RSL1D1: variants seen among roughly 807,000 people sequenced by gnomAD.
RSL1D1 encodes the protein ribosomal L1 domain containing 1.
In RSL1D1, 34 loss-of-function variants were observed where a neutral mutation model predicts 44.6. The ratio of observed to expected loss-of-function variants is 0.76; its 90% CI spans 0.58 to 1.02. The LOEUF (loss-of-function observed/expected upper bound fraction) is 1.02, where lower values mean the gene tolerates loss of function less well. RSL1D1 is among the 50% of genes least tolerant of loss of function. RSL1D1 has a pLI of 0.00. For missense variants in RSL1D1, 767 were observed against 568.1 expected (o/e 1.35, Z -3.56); for synonymous variants, 271 against 207.4 (o/e 1.31, Z -2.63).
At chr16:11,846,877 T>G in intron 3 of RSL1D1, 34 bp from the exon 4 acceptor site, 10 of 1,541,066 alleles carry the variant, frequency 6.5e-6, no homozygotes, top group Non-Finnish European at 8.9e-6. Flanking sequence ...AAACAAGAAG[T>G]TAGGAATCTA....
In RSL1D1 at chr16:11,850,502, G is replaced by A. The variant is rs192073473; in HGVS notation, c.106-84C>T. On this transcript the variant is annotated intron_variant, in intron 1 of 8. Transcript: ENST00000571133. Reference sequence around the variant, plus strand: ...AATGAAATGTTCTCAATCTAATTTAGCATTTGCCCCCTCCCACACCTTCTA... The same window carrying A: ...AATGAAATGTTCTCAATCTAATTTAACATTTGCCCCCTCCCACACCTTCTA... 2.8e-6 allele frequency: 4 copies of A among 1,415,756 alleles called. No homozygotes were observed. In the Admixed American group the frequency reaches 1.0e-4, roughly 37 times the overall value. 87.7% of individuals were successfully genotyped at this position (1,415,756 alleles called of 1,614,324 possible). A position where few individuals can be genotyped will look rare whatever the true frequency, so the allele number is the denominator to read the frequency against.
At chr16:11,839,183 T>G (rs2053744815) in intron 8 of RSL1D1, among the ~76,000 whole-genome samples, 1 of 151,618 alleles carries the variant, frequency 6.6e-6, no homozygotes, top group South Asian at 2.1e-4. Context: ...CTGGCCAACA[T>G]GGCAAAACCC....
intron 2 of RSL1D1, among the ~76,000 whole-genome samples, chr16:11,849,694 A>C (rs2053823575): frequency 6.6e-6 from 1 of 152,176 alleles, no homozygotes; most frequent in Non-Finnish European, 1.5e-5. Context: ...ATAAAATAAA[A>C]TAAAGCTGTT....
chr16:11,842,969 T>C (rs2053773040), intron 5 of RSL1D1, among the ~76,000 whole-genome samples: 1 of 147,358 alleles, frequency 6.8e-6, no homozygotes, highest in African/African-American at 2.5e-5. Flanking sequence ...TTGCCCAGGC[T>C]GGAGTGCAAT....
rs777644009 is a variant in RSL1D1, at chr16:11,850,261, T to A, written c.245+18A>T. On this transcript the variant is annotated intron_variant, in intron 2 of 8. Coordinates refer to ENST00000571133, the MANE Select transcript of RSL1D1 (RefSeq NM_015659.3). ...AACACACAGATAAAAACAGCAAAGG[T>A]AGAAAATCACAACTTACAATCTGAC... 2.6e-5 allele frequency: 40 copies of A among 1,560,458 alleles called. No homozygotes were observed. Among genetic ancestry groups the A allele is most frequent in the Non-Finnish European group, 3.1e-5 (36 of 1,160,914 alleles).
chr16:11,835,559 T>C lies in RSL1D1; in HGVS notation c.*2228A>G, dbSNP rs916134473. ...CCCAGGCTGGAGTGCAGGATCGTGATCATGGCCCATTGCAGCCTCTACCTC... is the reference window on the plus strand; with the variant it reads ...CCCAGGCTGGAGTGCAGGATCGTGACCATGGCCCATTGCAGCCTCTACCTC... On this transcript the variant is annotated 3_prime_UTR_variant, in exon 9 of 9. Coordinates refer to ENST00000571133, the MANE Select transcript of RSL1D1 (RefSeq NM_015659.3). The C allele has an allele frequency of 6.6e-6, 1 of 152,200 alleles. No homozygotes were observed. Among genetic ancestry groups the C allele is most frequent in the African/African-American group, 2.4e-5 (1 of 41,394 alleles). The allele number at this position is 152,200 out of a possible 1,614,324, so 9.4% of individuals were successfully genotyped here. A position where few individuals can be genotyped will look rare whatever the true frequency, so the allele number is the denominator to read the frequency against.
At chr16:11,848,598 C>G (rs1280072984) in intron 2 of RSL1D1, among the ~76,000 whole-genome samples, 1 of 152,122 alleles carries the variant, frequency 6.6e-6, no homozygotes, top group Admixed American at 6.5e-5. Flanking sequence ...GATCATAGCT[C>G]ACGATAGCCT....
chr16:11,851,193 C>T (rs1024370743), intron 1 of RSL1D1: 6 of 614,636 alleles, frequency 9.8e-6, no homozygotes, highest in Non-Finnish European at 1.2e-5. Context: ...AGCACACTTG[C>T]AACCCAATTC....
At chr16:11,845,105 T>C (rs1222438313) in intron 5 of RSL1D1, among the ~76,000 whole-genome samples, 2 of 152,098 alleles carry the variant, frequency 1.3e-5, no homozygotes, top group Non-Finnish European at 2.9e-5. Context: ...TAATAGGAAG[T>C]TAAACCAAGA....
At chr16:11,848,202 A>C (rs1261417895) in intron 2 of RSL1D1, among the ~76,000 whole-genome samples, 1 of 152,128 alleles carries the variant, frequency 6.6e-6, no homozygotes, top group East Asian at 1.9e-4. Flanking sequence ...GCAGTGAGCC[A>C]AGATCGCACC....
chr16:11,850,521 C>G (rs2053829908), intron 1 of RSL1D1, 103 bp from the exon 2 acceptor site: 1 of 1,207,214 alleles, frequency 8.3e-7, no homozygotes, highest in Non-Finnish European at 1.1e-6. Flanking sequence ...CCCTCCCACA[C>G]CTTCTATTTT....
At position 11,839,943 on chromosome 16, in the gene RSL1D1, T is replaced by C. The variant is rs2053753064; in HGVS notation, c.898A>G (p.Lys300Glu). 6.2e-7 allele frequency: 1 copy of C among 1,612,278 alleles called. No homozygotes were observed. ...TGCTGCCTCTTCTTCTTCCTCTCCT[T>C]TTGTTTTTCAAAATTTCTTTCTCTT... ...KRRERNFEKQ[K>E]ERKKKRQQAR... Residue 300 changes from lysine (K) to glutamate (E), a missense_variant, in exon 8 of 9, where the codon AAG (lysine) becomes GAG (glutamate). By Grantham distance (56) the Lys-to-Glu change is moderately conservative. Coordinates refer to ENST00000571133, the MANE Select transcript of RSL1D1 (RefSeq NM_015659.3).
At position 11,841,773 on chromosome 16, in the gene RSL1D1, A is replaced by C; in HGVS notation, c.777T>G (p.Ala259=). 6.2e-7 allele frequency: 1 copy of C among 1,614,144 alleles called. No homozygotes were observed. The highest frequency in any genetic ancestry group is 8.5e-7 in the Non-Finnish European group (1 of 1,179,996). ...CAAACGAGGAAAAGATGGGAAGTGC[A>C]GCCGATTTCTCAGTTTTCACAAACA... ...KLLFVKTEKS[A]ALPIFSSFVS... is the part of the protein sequence containing the mutation. The change falls in exon 7 of 9, where the codon GCT becomes GCG. Residue 259 remains alanine (A), a synonymous_variant. Transcript: ENST00000571133.
intron 5 of RSL1D1, among the ~76,000 whole-genome samples, chr16:11,844,493 G>A (rs2241104): frequency 0.073 from 11,130 of 152,132 alleles, 772 homozygotes; most frequent in East Asian, 0.17. Context: ...CAAAGGGGTA[G>A]GGGTCTAGGC....
chr16:11,838,414 C>T (rs978282733), intron 8 of RSL1D1, among the ~76,000 whole-genome samples: 16 of 152,062 alleles, frequency 1.1e-4, no homozygotes, highest in African/African-American at 3.9e-4. Context: ...CCACCTGCCT[C>T]GGCCTCCCAA....
Position 11,837,654 on chromosome 16 carries a change from T to A in RSL1D1, c.*133A>T. ...CGTGAGCCACCGCCCCTGGACTACT[T>A]ATGGAGGTTTTAAAAAATCTTTTAA... is the stretch of plus-strand genomic sequence containing the variant. On this transcript the variant is annotated 3_prime_UTR_variant, in exon 9 of 9. Transcript: ENST00000571133. 1 of 849,630 alleles carries A rather than the reference T, an allele frequency of 1.2e-6. No homozygotes were observed. The highest frequency in any genetic ancestry group is 1.9e-6 in the Non-Finnish European group (1 of 536,748). The allele number at this position is 849,630 out of a possible 1,614,324, so 52.6% of individuals were successfully genotyped here. A position where few individuals can be genotyped will look rare whatever the true frequency, so the allele number is the denominator to read the frequency against.
At chr16:11,850,460 A>G (rs377259623) in intron 1 of RSL1D1, 42 bp from the exon 2 acceptor site, 14 of 1,569,654 alleles carry the variant, frequency 8.9e-6, no homozygotes, top group Non-Finnish European at 1.2e-5. Context: ...ATGTTTTCAC[A>G]ATAACTTACA....
At chr16:11,839,646 A>G in intron 8 of RSL1D1, 49 bp downstream of exon 8, 3 of 1,599,226 alleles carry the variant, frequency 1.9e-6, no homozygotes, top group Non-Finnish European at 2.6e-6. Context: ...TGCCTGACAC[A>G]GTAGCCACTG....
At chr16:11,847,616 C>T (rs1393372856) in intron 3 of RSL1D1, 52 bp downstream of exon 3, 21 of 1,443,344 alleles carry the variant, frequency 1.5e-5, no homozygotes, top group Middle Eastern at 2.4e-4. Context: ...GATACCATTT[C>T]GCCTGAATTA....
Sources: gnomAD v4.1 joint callset for allele counts (sites outside exome capture counted in the v4.1 genomes callset) on GRCh38, gnomAD v4.1.1 for gene constraint, MANE v1.5 for transcripts, NCBI Gene and HGNC (gene_info 2026-07-23, HGNC 2026-07-21) for gene names.